OSBPL2: variants seen among roughly 807,000 people sequenced by gnomAD.
OSBPL2 encodes oxysterol-binding protein-related protein 2.
Under a neutral mutation model 58.4 loss-of-function variants are expected in OSBPL2, and 18 were observed. The ratio of observed to expected loss-of-function variants is 0.31; its 90% CI spans 0.21 to 0.46. The LOEUF is 0.46. OSBPL2 is among the 20% of genes least tolerant of loss of function. OSBPL2 has a pLI of 1.00. For synonymous variants in OSBPL2, 221 were observed against 234.1 expected (o/e 0.94, Z 0.51); for missense variants, 461 against 616.5 (o/e 0.75, Z 2.67).
At position 62,293,773 on chromosome 20, in the gene OSBPL2, T is replaced by G. The variant is rs762801749; in HGVS notation, c.1341-12T>G. 1.2e-6 allele frequency: 2 copies of G among 1,612,452 alleles called. No individual in the cohort carries two copies. Among genetic ancestry groups the G allele is most frequent in the Admixed American group, 1.7e-5 (1 of 59,684 alleles). ...TGAGCATCTTCTGACCCCCCTCCCT[T>G]GTATCCGGCAGGTGGTTCTACCCAG... is the stretch of plus-strand genomic sequence containing the variant. On this transcript the variant is annotated splice_polypyrimidine_tract_variant and intron_variant, in intron 13 of 13. Transcript: ENST00000313733.
At chr20:62,243,566 A>T (rs1979885085) in intron 1 of OSBPL2, among the ~76,000 whole-genome samples, 1 of 152,120 alleles carries the variant, frequency 6.6e-6, no homozygotes, top group Non-Finnish European at 1.5e-5. Flanking sequence ...TCATCAGAAA[A>T]GCTGGGGGAA....
intron 2 of OSBPL2, among the ~76,000 whole-genome samples, chr20:62,256,760 G>A (rs1293459172): frequency 1.3e-5 from 2 of 152,246 alleles, no homozygotes; most frequent in South Asian, 2.1e-4. Flanking sequence ...CCGTGTTGCA[G>A]GGCTCATGGG....
Position 62,248,752 on chromosome 20 carries a change from G to A in OSBPL2, c.-128-7305G>A, listed in dbSNP as rs999320879. Among the ~76,000 whole-genome samples, 12 of 152,170 alleles carry A rather than the reference G, an allele frequency of 7.9e-5. No homozygotes were observed. In the East Asian group the frequency reaches 2.1e-3, roughly 27 times the overall value. ...GTTGCCCTCTCTGGAGTGCAGTGGA[G>A]CAATCATAGCTCACTGCAGCCTCCA... On this transcript the variant is annotated intron_variant, in intron 1 of 13. Coordinates refer to ENST00000313733, the MANE Select transcript of OSBPL2 (RefSeq NM_144498.4).
chr20:62,256,655 C>T (rs1189792656), intron 2 of OSBPL2, among the ~76,000 whole-genome samples: 1 of 152,164 alleles, frequency 6.6e-6, no homozygotes, highest in Non-Finnish European at 1.5e-5. Context: ...TTTAAAGTGG[C>T]GGCATGCAGC....
intron 1 of OSBPL2, among the ~76,000 whole-genome samples, chr20:62,243,773 G>A (rs1298617653): frequency 6.6e-6 from 1 of 151,904 alleles, no homozygotes; most frequent in African/African-American, 2.4e-5. Context: ...AGAACTTCAT[G>A]AATATGAATA....
chr20:62,274,923 C>G (rs1272357794), intron 6 of OSBPL2, among the ~76,000 whole-genome samples: 1 of 152,150 alleles, frequency 6.6e-6, no homozygotes, highest in Non-Finnish European at 1.5e-5. Flanking sequence ...TATTTGGATT[C>G]TGGGTTAGTT....
At chr20:62,253,338 G>T (rs1980694297) in intron 1 of OSBPL2, among the ~76,000 whole-genome samples, 1 of 152,196 alleles carries the variant, frequency 6.6e-6, no homozygotes, top group African/African-American at 2.4e-5. Context: ...TGGGCTTACT[G>T]GCATCATCCA....
At chr20:62,280,600 TG>T (rs1982716139) in intron 7 of OSBPL2, among the ~76,000 whole-genome samples, 1 of 152,206 alleles carries the variant, frequency 6.6e-6, no homozygotes, top group Admixed American at 6.5e-5. Flanking sequence ...GTTTTCTTCT[TG>T]GGCAGGGCCA....
intron 5 of OSBPL2, among the ~76,000 whole-genome samples, chr20:62,273,011 G>T (rs1982165047): frequency 6.6e-6 from 1 of 152,256 alleles, no homozygotes; most frequent in Non-Finnish European, 1.5e-5. Context: ...GTGGCCTTGT[G>T]TGTGCATATC....
At chr20:62,252,070 G>A (rs1980593350) in intron 1 of OSBPL2, among the ~76,000 whole-genome samples, 1 of 151,078 alleles carries the variant, frequency 6.6e-6, no homozygotes, top group Non-Finnish European at 1.5e-5. Context: ...ATTTTGTAGA[G>A]ATGAGGTTTT....
intron 8 of OSBPL2, 103 bp from the exon 9 acceptor site, chr20:62,281,687 C>G (rs1056039470): frequency 1.0e-5 from 8 of 797,750 alleles, no homozygotes; most frequent in Non-Finnish European, 1.8e-5. Flanking sequence ...CAGTCACCCC[C>G]CGCCTGCCCC....
chr20:62,245,143 G>A (rs1455691969), intron 1 of OSBPL2, among the ~76,000 whole-genome samples: 2 of 151,206 alleles, frequency 1.3e-5, no homozygotes, highest in East Asian at 3.9e-4. Context: ...CTGTCGCCCA[G>A]GCTGAAGTGC....
At chr20:62,239,348 A>G (rs1420505419) in intron 1 of OSBPL2, among the ~76,000 whole-genome samples, 3 of 152,190 alleles carry the variant, frequency 2.0e-5, no homozygotes, top group Non-Finnish European at 2.9e-5. Context: ...ACGTCTTTAG[A>G]CTTTCCAAGT....
Position 62,256,113 on chromosome 20 carries a change from T to C in OSBPL2, c.-72T>C. 1 of 1,532,768 alleles carries C rather than the reference T, an allele frequency of 6.5e-7. No individual in the cohort carries two copies. 94.9% of individuals were successfully genotyped at this position (1,532,768 alleles called of 1,614,324 possible). A position where few individuals can be genotyped will look rare whatever the true frequency, so the allele number is the denominator to read the frequency against. On this transcript the variant is annotated 5_prime_UTR_variant, in exon 2 of 14. Transcript: ENST00000313733. Reference sequence around the variant, plus strand: ...AAAGTTTGTAAAATTCCTTACACTGTAGATGTGGATCAGATACGATGATTC... The same window carrying C: ...AAAGTTTGTAAAATTCCTTACACTGCAGATGTGGATCAGATACGATGATTC...
intron 6 of OSBPL2, among the ~76,000 whole-genome samples, chr20:62,275,400 T>A (rs1439126439): frequency 2.0e-5 from 3 of 152,022 alleles, no homozygotes; most frequent in Non-Finnish European, 4.4e-5. Flanking sequence ...CAGTTTCTTG[T>A]TCCTTTTTTT....
chr20:62,265,448 A>T (rs1981602059), intron 4 of OSBPL2, among the ~76,000 whole-genome samples: 2 of 152,190 alleles, frequency 1.3e-5, no homozygotes. Flanking sequence ...AGAATGCTCT[A>T]GTTCAGCTTA....
At chr20:62,271,261 C>CTCTCTG (rs11474627) in intron 4 of OSBPL2, among the ~76,000 whole-genome samples, 149,230 of 152,064 alleles carry the variant, frequency 0.98, 73,285 homozygotes, top group East Asian at 1. Flanking sequence ...GCCATGCGCC[C>CTCTCTG]TGCCGTCCAG....
intron 13 of OSBPL2, among the ~76,000 whole-genome samples, chr20:62,293,295 G>T (rs1983648340): frequency 1.3e-5 from 2 of 152,112 alleles, no homozygotes; most frequent in Admixed American, 6.5e-5. Context: ...CACCCCTCGG[G>T]CCCTGAGTGC....
intron 1 of OSBPL2, among the ~76,000 whole-genome samples, chr20:62,249,638 G>A (rs1186755594): frequency 2.6e-5 from 4 of 152,152 alleles, no homozygotes; most frequent in Non-Finnish European, 2.9e-5. Context: ...GCAGTGGCGC[G>A]ATCTCGGCTT....
Sources: allele counts gnomAD v4.1 joint callset (sites outside exome capture counted in the v4.1 genomes callset), GRCh38; gene constraint gnomAD v4.1.1; transcripts MANE v1.5; gene names NCBI Gene and HGNC (gene_info 2026-07-23, HGNC 2026-07-21).